Variants in FAM178B observed in about 807,000 individuals in gnomAD.
The protein encoded by FAM178B is family with sequence similarity 178 member B.
A neutral mutation model predicts 91.7 loss-of-function variants in FAM178B; 82 were observed. That is an observed-to-expected ratio of 0.89 (90% CI 0.75 to 1.07). The LOEUF is 1.07. Ranked by LOEUF, FAM178B falls within the 50% of genes least tolerant of loss-of-function variation. The pLI is 0.00. For missense variants in FAM178B, 769 were observed against 846.7 expected (o/e 0.91, Z 1.14); for synonymous variants, 368 against 359.4 (o/e 1.02, Z -0.27).
intron 7 of FAM178B, chr2:96,950,101 T>A (rs1341727621): frequency 1.0e-6 from 1 of 985,404 alleles, no homozygotes; most frequent in Non-Finnish European, 1.2e-6. Flanking sequence ...TCTCTGAACC[T>A]GGAAGAAACC....
At chr2:96,938,033 C>A (rs1459669223) in intron 8 of FAM178B, among the ~76,000 whole-genome samples, 1 of 152,052 alleles carries the variant, frequency 6.6e-6, no homozygotes, top group East Asian at 1.9e-4. Context: ...GACCTTGTCT[C>A]AACAACAACA....
At chr2:96,983,744 T>A (rs1245452875) in intron 1 of FAM178B, among the ~76,000 whole-genome samples, 1 of 152,222 alleles carries the variant, frequency 6.6e-6, no homozygotes, top group Non-Finnish European at 1.5e-5. Context: ...TTTTGTGCAC[T>A]TCTGCATATA....
At chr2:96,879,460 T>C (rs1192092204) in intron 14 of FAM178B, among the ~76,000 whole-genome samples, 1 of 152,336 alleles carries the variant, frequency 6.6e-6, no homozygotes, top group Non-Finnish European at 1.5e-5. Context: ...GCCCCAGCAA[T>C]GGCTGCAGCT....
intron 8 of FAM178B, among the ~76,000 whole-genome samples, chr2:96,934,286 A>G (rs2081589921): frequency 6.6e-6 from 1 of 152,220 alleles, no homozygotes. Flanking sequence ...GGAGCCTGGC[A>G]GAGACCTGAG....
At position 96,876,316 on chromosome 2, in the gene FAM178B, G is replaced by T; in HGVS notation, c.2008-8C>A. ...GGGGCTGAAATACTGGGCCTGCGGC[G>T]AGGAGAAAAGCAGGCTGTGAGGGCC... On this transcript the variant is annotated splice_region_variant and splice_polypyrimidine_tract_variant and intron_variant, in intron 16 of 16. Transcript: ENST00000490605. The T allele has an allele frequency of 1.3e-6, 2 of 1,598,746 alleles. No individual in the cohort carries two copies. The highest frequency in any genetic ancestry group is 1.7e-6 in the Non-Finnish European group (2 of 1,174,098).
At chr2:96,936,184 T>C (rs1320576322) in intron 8 of FAM178B, among the ~76,000 whole-genome samples, 1 of 152,064 alleles carries the variant, frequency 6.6e-6, no homozygotes, top group Non-Finnish European at 1.5e-5. Context: ...AAAGTATTCT[T>C]CTTTTTATTT....
chr2:96,985,327 C>T (rs1409640439), intron 1 of FAM178B, among the ~76,000 whole-genome samples: 1 of 152,186 alleles, frequency 6.6e-6, no homozygotes, highest in Non-Finnish European at 1.5e-5. Context: ...TTGACTTGGC[C>T]ATGCTCACTC....
In FAM178B at chr2:96,986,571, G is replaced by C. The variant is rs1320460179; in HGVS notation, c.-258C>G. 3.5e-5 allele frequency: 17 copies of C among 489,746 alleles called. No individual in the cohort carries two copies. The highest frequency in any genetic ancestry group is 6.3e-5 in the Non-Finnish European group (17 of 271,574). 30.3% of individuals were successfully genotyped at this position (489,746 alleles called of 1,614,324 possible). A position where few individuals can be genotyped will look rare whatever the true frequency, so the allele number is the denominator to read the frequency against. On this transcript the variant is annotated 5_prime_UTR_variant, in exon 1 of 17. Coordinates refer to ENST00000490605, the MANE Select transcript of FAM178B (RefSeq NM_001122646.3). Reference sequence around the variant, plus strand: ...GCCGCCGCCAGCTGGGGAGCTCGCCGGCCAAGTGCGCACCCTCTTCCTGTT... The same window carrying C: ...GCCGCCGCCAGCTGGGGAGCTCGCCCGCCAAGTGCGCACCCTCTTCCTGTT...
At chr2:96,977,659 CAAG>C (rs940614605) in intron 1 of FAM178B, among the ~76,000 whole-genome samples, 3 of 151,852 alleles carry the variant, frequency 2.0e-5, no homozygotes, top group South Asian at 2.1e-4. Flanking sequence ...GCTGATGCAC[CAAG>C]AAGAATTCCA....
chr2:96,981,751 A>AAAAAG (rs1553511882), intron 1 of FAM178B, among the ~76,000 whole-genome samples: 2 of 130,272 alleles, frequency 1.5e-5, no homozygotes, highest in Admixed American at 8.1e-5. Flanking sequence ...AAAAAAAAAA[A>AAAAAG]AAAAAAAAAA....
At chr2:96,962,997 C>T (rs2082102757) in intron 5 of FAM178B, among the ~76,000 whole-genome samples, 1 of 152,192 alleles carries the variant, frequency 6.6e-6, no homozygotes, top group African/African-American at 2.4e-5. Context: ...CAGATGATCC[C>T]ACATCAAAAC....
At chr2:96,917,106 A>G (rs2081253479) in intron 12 of FAM178B, among the ~76,000 whole-genome samples, 1 of 152,176 alleles carries the variant, frequency 6.6e-6, no homozygotes, top group South Asian at 2.1e-4. Flanking sequence ...AACGGCGGGT[A>G]CGTGCACACG....
intron 2 of FAM178B, 108 bp from the exon 3 acceptor site, chr2:96,972,430 G>C (rs931547498): frequency 2.0e-5 from 30 of 1,485,856 alleles, no homozygotes; most frequent in Non-Finnish European, 2.6e-5. Flanking sequence ...AACAACTTGG[G>C]GTTGCTGTGG....
intron 1 of FAM178B, among the ~76,000 whole-genome samples, chr2:96,973,875 C>T (rs1423760738): frequency 2.6e-5 from 4 of 151,802 alleles, no homozygotes; most frequent in Non-Finnish European, 4.4e-5. Context: ...TGGTGGCACA[C>T]GCCTGTAATC....
In FAM178B at chr2:96,951,365, C is replaced by A; in HGVS notation, c.993+14G>T. 1 of 1,537,874 alleles carries A rather than the reference C, an allele frequency of 6.5e-7. No homozygotes were observed. Among genetic ancestry groups the A allele is most frequent in the South Asian group, 1.2e-5 (1 of 83,830 alleles). On this transcript the variant is annotated intron_variant, in intron 7 of 16. Transcript: ENST00000490605. ...AGCGCTCCCGCCACCTAGTGGCAGG[C>A]CTGCGGTCCTCACCTGGAACAGCCA...
intron 1 of FAM178B, among the ~76,000 whole-genome samples, chr2:96,973,265 T>A (rs2082248064): frequency 6.6e-6 from 1 of 150,806 alleles, no homozygotes; most frequent in South Asian, 2.1e-4. Flanking sequence ...AAAAGCTATG[T>A]TCTGAGATGA....
intron 12 of FAM178B, among the ~76,000 whole-genome samples, chr2:96,913,491 C>A (rs1247399912): frequency 6.6e-6 from 1 of 152,130 alleles, no homozygotes; most frequent in African/African-American, 2.4e-5. Context: ...GGCCCTCTGG[C>A]CCCACAGTGA....
At chr2:96,887,872 G>A (rs1305205880) in intron 14 of FAM178B, among the ~76,000 whole-genome samples, 2 of 152,296 alleles carry the variant, frequency 1.3e-5, no homozygotes, top group South Asian at 4.1e-4. Context: ...CCTGGGTGGG[G>A]TGGGGCAGGG....
At chr2:96,919,104 G>T (rs1037596858) in intron 12 of FAM178B, among the ~76,000 whole-genome samples, 5 of 152,188 alleles carry the variant, frequency 3.3e-5, no homozygotes, top group African/African-American at 1.2e-4. Context: ...CCACAACTTG[G>T]TGTCTGAGGG....
Sources: allele counts gnomAD v4.1 joint callset (sites outside exome capture counted in the v4.1 genomes callset), GRCh38; gene constraint gnomAD v4.1.1; transcripts MANE v1.5; gene names NCBI Gene and HGNC (gene_info 2026-07-23, HGNC 2026-07-21).